The following SNX31 variants were observed in gnomAD, a reference collection of about 807,000 sequenced individuals.
The protein encoded by SNX31 is sorting nexin-31.
A neutral mutation model predicts 65.4 loss-of-function variants in SNX31; 58 were observed. That is an observed-to-expected ratio of 0.89 (90% CI 0.72 to 1.10). The LOEUF is 1.10. Among genes scored for constraint, SNX31 ranks in the 50% least tolerant of loss-of-function variants. The pLI is 0.00. For synonymous variants in SNX31, 181 were observed against 190.1 expected, an observed-to-expected ratio of 0.95 and a Z score of 0.39; for missense variants, 523 against 529.7, an observed-to-expected ratio of 0.99 and a Z score of 0.12.
chr8:100,662,364 G>A (rs1217610514), intron 1 of SNX31, among the ~76,000 whole-genome samples: 2 of 152,200 alleles, frequency 1.3e-5, no homozygotes, highest in African/African-American at 4.8e-5. Context: ...GGGAGAGATG[G>A]CACTTGTACC....
chr8:100,573,948 AAT>A lies in SNX31; in HGVS notation c.1238_1239del (p.Tyr413PhefsTer2). 6.4e-7 allele frequency: 1 copy of A among 1,570,324 alleles called. No individual in the cohort carries two copies. The highest frequency in any genetic ancestry group is 8.7e-7 in the Non-Finnish European group (1 of 1,155,918). On this transcript the variant is annotated frameshift_variant, in exon 14 of 14. Coordinates refer to ENST00000311812, the MANE Select transcript of SNX31 (RefSeq NM_152628.4). LOFTEE classifies it high-confidence loss of function. ...TTGCTTTTTCTTGATAGAAAACTAG[AAT>A]AGTCTTTCTGCTGTGAAGTAAACAG... ...YHIQQSQQKD[Y>X]SSFLSRKSKI...
intron 3 of SNX31, among the ~76,000 whole-genome samples, chr8:100,632,339 T>A (rs1212664418): frequency 6.6e-6 from 1 of 152,114 alleles, no homozygotes; most frequent in Non-Finnish European, 1.5e-5. Flanking sequence ...CAAAAGATAT[T>A]ACATTTTGAA....
intron 4 of SNX31, 46 bp from the exon 5 acceptor site, chr8:100,617,776 T>C (rs2131083342): frequency 2.7e-6 from 4 of 1,504,688 alleles, no homozygotes; most frequent in Non-Finnish European, 3.7e-6. Context: ...CCTTTTTTTT[T>C]TTTTTGGAGG....
chr8:100,637,682 G>A (rs768507516), intron 2 of SNX31, among the ~76,000 whole-genome samples: 29 of 151,996 alleles, frequency 1.9e-4, no homozygotes, highest in Non-Finnish European at 2.6e-4. Context: ...CATCTAAAGC[G>A]ATACTTTATT....
intron 10 of SNX31, among the ~76,000 whole-genome samples, chr8:100,590,674 C>T (rs1814488699): frequency 6.6e-6 from 1 of 151,326 alleles, no homozygotes; most frequent in Non-Finnish European, 1.5e-5. Flanking sequence ...CCCAGCTACT[C>T]GGGAGGCTGA....
intron 3 of SNX31, among the ~76,000 whole-genome samples, chr8:100,634,977 TG>T (rs1468614854): frequency 7.4e-6 from 1 of 134,754 alleles, no homozygotes; most frequent in African/African-American, 3.3e-5. Flanking sequence ...GTGGGAGGAT[TG>T]CTTGACCCCC....
At chr8:100,621,361 T>A (rs952925452) in intron 4 of SNX31, among the ~76,000 whole-genome samples, 1 of 152,192 alleles carries the variant, frequency 6.6e-6, no homozygotes, top group African/African-American at 2.4e-5. Flanking sequence ...CTGCCCTAGC[T>A]CTAAGCTACC....
At chr8:100,583,352 C>T (rs549143719) in intron 12 of SNX31, among the ~76,000 whole-genome samples, 3 of 152,070 alleles carry the variant, frequency 2.0e-5, no homozygotes, top group Admixed American at 6.5e-5. Context: ...GTGATCCCCC[C>T]ACTTGGCCTC....
In SNX31 at chr8:100,628,771, G is replaced by GA. The variant is rs1268250231; in HGVS notation, c.321+1555dup. Among the ~76,000 whole-genome samples, 3 of 151,614 alleles carry GA rather than the reference G, an allele frequency of 2.0e-5. No homozygotes were observed. In the East Asian group the frequency reaches 5.8e-4, roughly 29 times the overall value. ...TAAAATTTTTTTAAAAAAGCAAGTT[G>GA]AAAAAATGTGTTGAGTGTGCGCTTG... On this transcript the variant is annotated intron_variant, in intron 4 of 13. Coordinates refer to ENST00000311812, the MANE Select transcript of SNX31 (RefSeq NM_152628.4).
In SNX31 at chr8:100,614,978, G is replaced by A. The variant is rs1304181494; in HGVS notation, c.433-1893C>T. Among the ~76,000 whole-genome samples the A allele has an allele frequency of 6.6e-6, 1 of 152,222 alleles. No homozygotes were observed. Among genetic ancestry groups the A allele is most frequent in the African/African-American group, 2.4e-5 (1 of 41,458 alleles). On this transcript the variant is annotated intron_variant, in intron 5 of 13. Coordinates refer to ENST00000311812, the MANE Select transcript of SNX31 (RefSeq NM_152628.4). The surrounding 1 kb of genome is among the most constrained non-coding windows in gnomAD (Gnocchi z 5.1). ...AGTGAGAATGGCAGCAAGTGTGCTG[G>A]AGAAGATGCAGAAGGCGATTTTTAA...
At chr8:100,615,672 G>A (rs1172063710) in intron 5 of SNX31, among the ~76,000 whole-genome samples, 2 of 152,186 alleles carry the variant, frequency 1.3e-5, no homozygotes, top group African/African-American at 2.4e-5. Context: ...TGTTAGCCCA[G>A]GTTTATAGTA....
intron 8 of SNX31, among the ~76,000 whole-genome samples, chr8:100,601,237 T>C (rs76566885): frequency 0.044 from 6,662 of 152,272 alleles, 496 homozygotes; most frequent in African/African-American, 0.15. Flanking sequence ...TAGGTACTGT[T>C]ATGAAATGCC....
intron 2 of SNX31, among the ~76,000 whole-genome samples, chr8:100,649,028 G>A (rs1302697491): frequency 1.3e-5 from 2 of 152,240 alleles, no homozygotes; most frequent in Non-Finnish European, 2.9e-5. Flanking sequence ...GAGGGGCTTG[G>A]AAGAATCACC....
intron 2 of SNX31, among the ~76,000 whole-genome samples, chr8:100,641,605 C>CAT (rs1819225734): frequency 4.8e-5 from 1 of 20,658 alleles, no homozygotes; most frequent in Non-Finnish European, 7.6e-5. Context: ...TACACATACA[C>CAT]ACACACACGC....
chr8:100,648,324 T>G lies in SNX31; in HGVS notation c.141+950A>C. ...AAGTTTTTTCAGTTTTCTCTACACT[T>G]TTTTTTTTTTTTTTTTTAATAGAGA... On this transcript the variant is annotated intron_variant, in intron 2 of 13. Transcript: ENST00000311812. This position sits in a 1 kb window ranked among gnomAD's most constrained non-coding sequence, Gnocchi z 4.3. 9.4e-6 allele frequency among the ~76,000 whole-genome samples: 1 copy of G among 106,204 alleles called. No individual in the cohort carries two copies. The highest frequency in any genetic ancestry group is 2.0e-4 in the East Asian group (1 of 4,990). The allele number at this position is 106,204 out of a possible 152,430, so 69.7% of individuals were successfully genotyped here. A position where few individuals can be genotyped will look rare whatever the true frequency, so the allele number is the denominator to read the frequency against.
Position 100,625,857 on chromosome 8 carries a change from T to G in SNX31, c.321+4470A>C, listed in dbSNP as rs1013294457. On this transcript the variant is annotated intron_variant, in intron 4 of 13. Coordinates refer to ENST00000311812, the MANE Select transcript of SNX31 (RefSeq NM_152628.4). This position sits in a 1 kb window ranked among gnomAD's most constrained non-coding sequence, Gnocchi z 4.2. ...GGATGCTGAAGAGATGTACAGACAC[T>G]CCATCTTTGCAAAAAGCAATCTCTC... 2.6e-5 allele frequency among the ~76,000 whole-genome samples: 4 copies of G among 152,170 alleles called. No homozygotes were observed. The highest frequency in any genetic ancestry group is 5.9e-5 in the Non-Finnish European group (4 of 68,044).
At chr8:100,601,956 T>C (rs1815673022) in intron 8 of SNX31, among the ~76,000 whole-genome samples, 1 of 152,194 alleles carries the variant, frequency 6.6e-6, no homozygotes, top group Non-Finnish European at 1.5e-5. Context: ...CCTTCCCCTT[T>C]AGCCAGTCTG....
intron 8 of SNX31, among the ~76,000 whole-genome samples, chr8:100,607,760 C>T (rs955385710): frequency 6.6e-6 from 1 of 152,206 alleles, no homozygotes; most frequent in Admixed American, 6.5e-5. Context: ...GAAAATATCT[C>T]ATGTAACCCA....
chr8:100,574,223 G>A (rs1019753213), intron 13 of SNX31, among the ~76,000 whole-genome samples: 2 of 152,162 alleles, frequency 1.3e-5, no homozygotes, highest in Admixed American at 6.5e-5. Flanking sequence ...TATCACCCAG[G>A]TTAACATTTA....
Sources: allele counts gnomAD v4.1 joint callset (sites outside exome capture counted in the v4.1 genomes callset), GRCh38; gene constraint gnomAD v4.1.1; non-coding constraint Gnocchi (gnomAD v3.1); transcripts MANE v1.5; gene names NCBI Gene and HGNC (gene_info 2026-07-23, HGNC 2026-07-21).